The following PARM1 variants were observed in gnomAD, a reference collection of about 807,000 sequenced individuals.
PARM1 encodes WSC4, cell wall integrity and stress response component 4 homolog.
Under a neutral mutation model 24.6 loss-of-function variants are expected in PARM1, and 14 were observed. The ratio of observed to expected loss-of-function variants is 0.57; its 90% CI spans 0.38 to 0.89. PARM1 has a LOEUF of 0.89. PARM1 is among the 40% of genes least tolerant of loss of function. The pLI is 0.00. For missense variants in PARM1, 362 were observed against 380.4 expected, an observed-to-expected ratio of 0.95 and a Z score of 0.40; for synonymous variants, 179 against 156.6, an observed-to-expected ratio of 1.14 and a Z score of -1.07.
intron 1 of PARM1, among the ~76,000 whole-genome samples, chr4:74,987,340 G>A (rs963553859): frequency 1.8e-4 from 27 of 152,046 alleles, no homozygotes; most frequent in African/African-American, 6.5e-4. Flanking sequence ...TTGTTAGCTG[G>A]GGGCATGAGA....
chr4:74,958,028 G>C (rs1390833114), intron 1 of PARM1, among the ~76,000 whole-genome samples: 1 of 152,122 alleles, frequency 6.6e-6, no homozygotes, highest in Non-Finnish European at 1.5e-5. Context: ...TCATAGAGAG[G>C]CTTGGGAATA....
At chr4:74,976,730 G>A (rs562974399) in intron 1 of PARM1, among the ~76,000 whole-genome samples, 1 of 152,224 alleles carries the variant, frequency 6.6e-6, no homozygotes, top group Non-Finnish European at 1.5e-5. Flanking sequence ...CTGTGACAGG[G>A]TTCCAAGAGG....
chr4:75,005,139 G>A (rs1722746947), intron 1 of PARM1, among the ~76,000 whole-genome samples: 3 of 152,176 alleles, frequency 2.0e-5, no homozygotes, highest in Admixed American at 1.3e-4. Flanking sequence ...GATGGTGGCC[G>A]TAACAGGTGG....
At chr4:74,968,622 A>G (rs1156816442) in intron 1 of PARM1, among the ~76,000 whole-genome samples, 1 of 152,176 alleles carries the variant, frequency 6.6e-6, no homozygotes, top group Non-Finnish European at 1.5e-5. Context: ...TGTTGACTGC[A>G]GAGATAAGGC....
At chr4:74,960,457 A>C (rs1321900754) in intron 1 of PARM1, among the ~76,000 whole-genome samples, 2 of 152,324 alleles carry the variant, frequency 1.3e-5, no homozygotes, top group African/African-American at 4.8e-5. Flanking sequence ...AGAAGACCTT[A>C]AGTTTACATG....
rs1269432448 is a variant in PARM1, at chr4:74,933,381, C to G, written c.43+11C>G. ...GCATCTTAACTGCAGGTAATTGGCG[C>G]CATCCTCCCGGAAGGGCAGGTCGCG... On this transcript the variant is annotated intron_variant, in intron 1 of 3. Transcript: ENST00000307428. The G allele has an allele frequency of 6.2e-7, 1 of 1,611,964 alleles. No individual in the cohort carries two copies. Among genetic ancestry groups the G allele is most frequent in the Non-Finnish European group, 8.5e-7 (1 of 1,178,894 alleles).
At chr4:75,013,227 A>G in intron 2 of PARM1, 77 bp downstream of exon 2, 3 of 1,443,910 alleles carry the variant, frequency 2.1e-6, no homozygotes, top group South Asian at 1.4e-5. Flanking sequence ...ACCAAACACA[A>G]TGGAAAATTT....
chr4:74,949,874 A>G (rs548202056), intron 1 of PARM1, among the ~76,000 whole-genome samples: 4 of 151,460 alleles, frequency 2.6e-5, no homozygotes, highest in Non-Finnish European at 5.9e-5. Context: ...CTTCTGCAAC[A>G]GAAAAAGAGT....
intron 1 of PARM1, among the ~76,000 whole-genome samples, chr4:74,944,675 C>G (rs1343001369): frequency 2.0e-5 from 3 of 152,166 alleles, no homozygotes; most frequent in Non-Finnish European, 2.9e-5. Flanking sequence ...ATCTCAAAGA[C>G]AAGCGTGGCT....
At chr4:74,983,699 T>G (rs2109774073) in intron 1 of PARM1, among the ~76,000 whole-genome samples, 1 of 152,340 alleles carries the variant, frequency 6.6e-6, no homozygotes, top group Non-Finnish European at 1.5e-5. Context: ...ATTTACCTTC[T>G]TAACCAGAAC....
chr4:75,001,018 T>C (rs898256382), intron 1 of PARM1, among the ~76,000 whole-genome samples: 1 of 152,200 alleles, frequency 6.6e-6, no homozygotes, highest in Admixed American at 6.5e-5. Context: ...ACTGTGTATC[T>C]TGGGATGTTA....
intron 1 of PARM1, among the ~76,000 whole-genome samples, chr4:74,968,379 T>TA (rs1364333921): frequency 1.3e-5 from 2 of 152,220 alleles, no homozygotes; most frequent in Non-Finnish European, 2.9e-5. Context: ...TCAGGAAATA[T>TA]AAAAGTTGAT....
Position 75,012,744 on chromosome 4 carries a change from G to C in PARM1, c.363G>C (p.Thr121=). 1 of 1,613,922 alleles carries C rather than the reference G, an allele frequency of 6.2e-7. No homozygotes were observed. The highest frequency in any genetic ancestry group is 1.1e-5 in the South Asian group (1 of 91,076). The change falls in exon 2 of 4, where the codon ACG becomes ACC. Residue 121 remains threonine, a synonymous_variant. Transcript: ENST00000307428. ...STSGGVHLTT[T]LEEHSSGTPE... ...GCGGTGGAGTCCACTTAACAACCAC[G>C]TTGGAGGAACACAGCTCGGGCACTC... is the stretch of plus-strand genomic sequence containing the variant.
At chr4:74,997,690 G>A (rs1183721826) in intron 1 of PARM1, 1 of 152,160 alleles carries the variant, frequency 6.6e-6, no homozygotes, top group East Asian at 1.9e-4. Context: ...TGGATATTCA[G>A]ATTTGAGACT....
chr4:74,962,028 T>A (rs1419728876), intron 1 of PARM1, among the ~76,000 whole-genome samples: 2 of 152,328 alleles, frequency 1.3e-5, no homozygotes, highest in Admixed American at 6.5e-5. Flanking sequence ...AAAATCAGTC[T>A]TATTTTAACT....
intron 2 of PARM1, among the ~76,000 whole-genome samples, chr4:75,020,060 G>A (rs1480577994): frequency 6.5e-5 from 9 of 138,696 alleles, no homozygotes; most frequent in Non-Finnish European, 9.4e-5. Flanking sequence ...AGCGAAAAAT[G>A]TATATTGTAG....
intron 1 of PARM1, among the ~76,000 whole-genome samples, chr4:74,953,889 C>T (rs916271580): frequency 4.6e-5 from 7 of 152,126 alleles, no homozygotes; most frequent in Non-Finnish European, 8.8e-5. Flanking sequence ...AAGTGGGTCA[C>T]GCCTGGTGAA....
chr4:75,020,498 C>G (rs533056507), intron 2 of PARM1, among the ~76,000 whole-genome samples: 21 of 152,072 alleles, frequency 1.4e-4, no homozygotes, highest in Admixed American at 2.6e-4. Flanking sequence ...CATTTCCCCC[C>G]CCCCGCACCC....
intron 1 of PARM1, among the ~76,000 whole-genome samples, chr4:74,940,161 C>T (rs897060788): frequency 1.3e-5 from 2 of 152,060 alleles, no homozygotes; most frequent in Non-Finnish European, 2.9e-5. Context: ...ATACATGTTA[C>T]CTTTTATGTT....
Sources: gnomAD v4.1 joint callset for allele counts (sites outside exome capture counted in the v4.1 genomes callset) on GRCh38, gnomAD v4.1.1 for gene constraint, MANE v1.5 for transcripts, NCBI Gene and HGNC (gene_info 2026-07-23, HGNC 2026-07-21) for gene names.